The following GPHN variants were observed in gnomAD, a reference collection of about 807,000 sequenced individuals.
The protein encoded by GPHN is gephyrin.
Under a neutral mutation model 95.5 loss-of-function variants are expected in GPHN, and 17 were observed. The ratio of observed to expected loss-of-function variants is 0.18; its 90% CI spans 0.12 to 0.27. The LOEUF is 0.27. Among genes scored for constraint, GPHN ranks in the 10% least tolerant of loss-of-function variants. The probability of loss-of-function intolerance (pLI) is 1.00; values close to 1 mark genes in which losing one functional copy is unlikely to be tolerated. For missense variants in GPHN, 660 were observed against 978.1 expected, an observed-to-expected ratio of 0.67 and a Z score of 4.34; for synonymous variants, 320 against 322.5, an observed-to-expected ratio of 0.99 and a Z score of 0.08.
At chr14:67,377,590 G>A in the GPHN span, among the ~76,000 whole-genome samples, 1 of 152,110 alleles carries the variant, frequency 6.6e-6, no homozygotes. Flanking sequence ...TGCTGTCACT[G>A]GAATTTGTGT....
At chr14:66,870,264 A>G (rs536323749) in intron 4 of GPHN, among the ~76,000 whole-genome samples, 1 of 152,284 alleles carries the variant, frequency 6.6e-6, no homozygotes, top group African/African-American at 2.4e-5. Flanking sequence ...TACCCCAACC[A>G]ACTCACCACC....
chr14:67,618,730 G>A, the GPHN span, among the ~76,000 whole-genome samples: 2 of 152,034 alleles, frequency 1.3e-5, no homozygotes, highest in East Asian at 3.9e-4. Context: ...GCTGGTCTGG[G>A]ACCACACTTT....
At chr14:67,173,761 A>G (rs988051664) in intron 21 of GPHN, among the ~76,000 whole-genome samples, 1 of 152,230 alleles carries the variant, frequency 6.6e-6, no homozygotes, top group African/African-American at 2.4e-5. Context: ...AATTATCTGA[A>G]GGAAATTCAA....
At chr14:66,994,114 C>T (rs1433820577) in intron 9 of GPHN, among the ~76,000 whole-genome samples, 1 of 152,050 alleles carries the variant, frequency 6.6e-6, no homozygotes, top group African/African-American at 2.4e-5. Context: ...GCCTGTAATT[C>T]CAGCACTTTG....
At chr14:67,199,397 G>A in the GPHN span, 1 of 1,613,876 alleles carries the variant, frequency 6.2e-7, no homozygotes, top group Non-Finnish European at 8.5e-7. Flanking sequence ...TGAGATTGAT[G>A]AGAAGTTGCT....
the GPHN span, among the ~76,000 whole-genome samples, chr14:67,371,537 G>A: frequency 2.0e-5 from 3 of 152,106 alleles, no homozygotes; most frequent in Admixed American, 2.0e-4. Context: ...AGAGTGTGCT[G>A]CTTACATAGA....
chr14:67,568,843 G>T, the GPHN span, among the ~76,000 whole-genome samples: 1 of 152,154 alleles, frequency 6.6e-6, no homozygotes, highest in Non-Finnish European at 1.5e-5. Flanking sequence ...CAAAGGTGAA[G>T]GGTGGAGGCA....
the GPHN span, among the ~76,000 whole-genome samples, chr14:67,372,570 C>T: frequency 1.7e-4 from 26 of 152,166 alleles, no homozygotes; most frequent in Non-Finnish European, 2.8e-4. Flanking sequence ...GTGGCTCACG[C>T]CTGTTATCCC....
At chr14:66,975,839 TC>T (rs2070175528) in intron 9 of GPHN, among the ~76,000 whole-genome samples, 1 of 152,068 alleles carries the variant, frequency 6.6e-6, no homozygotes. Flanking sequence ...GCCACTGCAC[TC>T]CCAGCCTGGG....
intron 20 of GPHN, among the ~76,000 whole-genome samples, chr14:67,168,076 G>A (rs1270910661): frequency 2.0e-5 from 3 of 152,190 alleles, no homozygotes; most frequent in Non-Finnish European, 4.4e-5. Context: ...CATAGACTGG[G>A]TAGCTGAAAC....
intron 12 of GPHN, among the ~76,000 whole-genome samples, chr14:67,098,822 CAAAA>C (rs112801526): frequency 1.1e-5 from 1 of 89,540 alleles, no homozygotes. Context: ...AACTCCATCT[CAAAA>C]AAAAAAAAAA....
At chr14:66,562,445 T>G (rs1053991456) in intron 1 of GPHN, among the ~76,000 whole-genome samples, 2 of 152,158 alleles carry the variant, frequency 1.3e-5, no homozygotes, top group African/African-American at 2.4e-5. Context: ...ATATCCAATT[T>G]TTATTTGTCA....
chr14:67,692,079 G>T, the GPHN span: 1 of 182,238 alleles, frequency 5.5e-6, no homozygotes. Flanking sequence ...TCTCAACTTT[G>T]TGTAGAACCT....
intron 1 of GPHN, among the ~76,000 whole-genome samples, chr14:66,528,657 C>T (rs914895667): frequency 6.6e-6 from 1 of 152,080 alleles, no homozygotes; most frequent in Non-Finnish European, 1.5e-5. Context: ...AGGCAGGCCT[C>T]GTGGTGACAG....
intron 10 of GPHN, among the ~76,000 whole-genome samples, chr14:67,048,898 C>T (rs1201918446): frequency 2.0e-5 from 3 of 152,090 alleles, no homozygotes; most frequent in Non-Finnish European, 4.4e-5. Context: ...TGTAAGGTAG[C>T]TATCAGAATA....
intron 1 of GPHN, among the ~76,000 whole-genome samples, chr14:66,641,654 CAA>C (rs74268127): frequency 4.0e-5 from 4 of 100,536 alleles, no homozygotes. Flanking sequence ...AAGTAGATGA[CAA>C]AAAAAAAAAA....
At chr14:67,657,755 T>TC in the GPHN span, among the ~76,000 whole-genome samples, 1 of 33,620 alleles carries the variant, frequency 3.0e-5, no homozygotes, top group East Asian at 7.7e-4. Context: ...TTCTTTCTTT[T>TC]TTTTTTTTTT....
the GPHN span, among the ~76,000 whole-genome samples, chr14:67,554,801 C>T: frequency 4.6e-5 from 7 of 152,208 alleles, no homozygotes; most frequent in East Asian, 1.9e-4. Context: ...AGAGCCTCCA[C>T]GTACAAGAAC....
chr14:67,563,606 T>C, the GPHN span, among the ~76,000 whole-genome samples: 6 of 151,602 alleles, frequency 4.0e-5, no homozygotes, highest in African/African-American at 1.5e-4. Flanking sequence ...GCTAATTTTG[T>C]ATTTTTAGTA....
Sources: gnomAD v4.1 joint callset for allele counts (sites outside exome capture counted in the v4.1 genomes callset) on GRCh38, gnomAD v4.1.1 for gene constraint, MANE v1.5 for transcripts, NCBI Gene and HGNC (gene_info 2026-07-23, HGNC 2026-07-21) for gene names.